CDC42BPA: variants seen among roughly 807,000 people sequenced by gnomAD.
CDC42BPA encodes CDC42 binding protein kinase alpha, also known as serine/threonine-protein kinase MRCK alpha.
Under a neutral mutation model 223.5 loss-of-function variants are expected in CDC42BPA, and 80 were observed. The ratio of observed to expected loss-of-function variants is 0.36; its 90% confidence interval spans 0.30 to 0.43. The LOEUF (loss-of-function observed/expected upper bound fraction) is 0.43. Among genes scored for constraint, CDC42BPA ranks in the 20% least tolerant of loss-of-function variants. The pLI is 1.00. For missense variants in CDC42BPA, 1,743 were observed against 2,099.9 expected, an observed-to-expected ratio of 0.83 and a Z score of 3.32; for synonymous variants, 694 against 718.6, an observed-to-expected ratio of 0.97 and a Z score of 0.55.
At chr1:227,123,676 G>A (rs561041095) in intron 11 of CDC42BPA, among the ~76,000 whole-genome samples, 32 of 152,330 alleles carry the variant, frequency 2.1e-4, no homozygotes, top group African/African-American at 7.7e-4. Context: ...GACCCAGTGG[G>A]AGGTTGGCAG....
In CDC42BPA at chr1:227,196,618, C is replaced by T. The variant is rs143633151; in HGVS notation, c.451-2684G>A. On this transcript the variant is annotated intron_variant, in intron 4 of 36. Transcript: ENST00000366766. ...CCTCCCAAAGTGCTGGGATTACAGG[C>T]ATGAGCCACCGTGCCCGGCCCTAAA... Among the ~76,000 whole-genome samples the T allele has an allele frequency of 5.2e-3, 785 of 152,182 alleles. 5 individuals are homozygous for T. The highest frequency in any genetic ancestry group is 0.018 in the African/African-American group (742 of 41,532).
intron 30 of CDC42BPA, among the ~76,000 whole-genome samples, chr1:227,028,316 G>A (rs1349854814): frequency 2.0e-5 from 3 of 152,102 alleles, no homozygotes. Context: ...AATAAGTTCT[G>A]TGAAACACTG....
At chr1:227,200,445 C>CAACAAA (rs113447855) in intron 3 of CDC42BPA, among the ~76,000 whole-genome samples, 2 of 109,148 alleles carry the variant, frequency 1.8e-5, no homozygotes, top group Non-Finnish European at 1.9e-5. Flanking sequence ...AACAAACAAA[C>CAACAAA]AAAAAAAAAA....
intron 14 of CDC42BPA, 63 bp from the exon 15 acceptor site, chr1:227,101,302 C>T (rs1040273390): frequency 2.9e-6 from 3 of 1,025,502 alleles, no homozygotes; most frequent in Non-Finnish European, 4.1e-6. Flanking sequence ...TAAATAACTT[C>T]TTTCTGTAAT....
Position 227,111,589 on chromosome 1 carries a change from A to G in CDC42BPA, c.2001+723T>C, listed in dbSNP as rs1686933740. Among the ~76,000 whole-genome samples, 3 of 152,090 alleles carry G rather than the reference A, an allele frequency of 2.0e-5. No homozygotes were observed. In the South Asian group the frequency reaches 6.2e-4, roughly 32 times the overall value. ...AACCTCCACCTCCCGGGTTCAAGCA[A>G]TTCTCCTGCCTCAGCCTCCTCAGTA... is the stretch of plus-strand genomic sequence containing the variant. On this transcript the variant is annotated intron_variant, in intron 14 of 36. Transcript: ENST00000366766.
chr1:227,257,478 G>T (rs1014566793), intron 1 of CDC42BPA, among the ~76,000 whole-genome samples: 1 of 88,888 alleles, frequency 1.1e-5, no homozygotes, highest in African/African-American at 4.0e-5. Flanking sequence ...GGAAGATGCT[G>T]GGCACAGTGG....
intron 16 of CDC42BPA, among the ~76,000 whole-genome samples, chr1:227,090,331 T>C (rs962939812): frequency 6.6e-6 from 1 of 152,174 alleles, no homozygotes; most frequent in East Asian, 1.9e-4. Context: ...TACAGAGCTA[T>C]ACAGAAAACA....
intron 14 of CDC42BPA, among the ~76,000 whole-genome samples, chr1:227,103,689 A>T (rs536631912): frequency 6.6e-6 from 1 of 152,134 alleles, no homozygotes; most frequent in Non-Finnish European, 1.5e-5. Flanking sequence ...ATTTAATTCA[A>T]TATATGAGAC....
chr1:227,035,502 CCTTT>C lies in CDC42BPA; in HGVS notation c.3301_3304del (p.Lys1101GlufsTer2). 2 of 1,610,990 alleles carry C rather than the reference CCTTT, an allele frequency of 1.2e-6. No individual in the cohort carries two copies. The highest frequency in any genetic ancestry group is 8.5e-7 in the Non-Finnish European group (1 of 1,179,076). ...ATGACCTTCATATGCTGTTCCTATT[CCTTT>C]CTGAGGATCTATACCCAGGGGACCT... On this transcript the variant is annotated frameshift_variant, in exon 25 of 37. Coordinates refer to ENST00000366766, the MANE Select transcript of CDC42BPA (RefSeq NM_001394014.1). LOFTEE classifies it high-confidence loss of function.
intron 34 of CDC42BPA, among the ~76,000 whole-genome samples, chr1:227,014,992 T>G (rs1427702244): frequency 6.6e-6 from 1 of 152,076 alleles, no homozygotes; most frequent in Non-Finnish European, 1.5e-5. Context: ...TGAGATAGGG[T>G]CTTGCTCAGT....
chr1:227,316,914 A>G, intron 1 of CDC42BPA, 91 bp downstream of exon 1: 1 of 910,894 alleles, frequency 1.1e-6, no homozygotes, highest in South Asian at 1.6e-5. Context: ...TTTTCTTTGA[A>G]CGGAGTAGAG....
chr1:227,022,483 G>A (rs1017887339), intron 32 of CDC42BPA, among the ~76,000 whole-genome samples: 2 of 151,962 alleles, frequency 1.3e-5, no homozygotes, highest in African/African-American at 4.8e-5. Flanking sequence ...ATACATCCTC[G>A]CTAACAGACT....
rs142802436 is a variant in CDC42BPA, at chr1:227,130,713, C to T, written c.1391-1482G>A. ...CTACTAAAAATACAAAAATTAGCCA[C>T]GCATGGTGGTGCATGCCTGTAATAC... On this transcript the variant is annotated intron_variant, in intron 10 of 36. Transcript: ENST00000366766. 4.8e-3 allele frequency among the ~76,000 whole-genome samples: 729 copies of T among 152,038 alleles called. 3 individuals are homozygous for T. Among genetic ancestry groups the T allele is most frequent in the African/African-American group, 0.016 (653 of 41,480 alleles).
At chr1:227,050,277 T>G (rs1673283905) in intron 22 of CDC42BPA, among the ~76,000 whole-genome samples, 2 of 152,212 alleles carry the variant, frequency 1.3e-5, no homozygotes, top group African/African-American at 4.8e-5. Context: ...AAAATGACAC[T>G]TAATACCCAT....
chr1:227,088,167 A>C (rs554269782), intron 16 of CDC42BPA, among the ~76,000 whole-genome samples: 7 of 152,320 alleles, frequency 4.6e-5, no homozygotes, highest in African/African-American at 1.7e-4. Context: ...GTGATTGGGA[A>C]AGTAGTTTAA....
At chr1:227,281,655 T>A (rs1489014658) in intron 1 of CDC42BPA, among the ~76,000 whole-genome samples, 4 of 152,088 alleles carry the variant, frequency 2.6e-5, no homozygotes, top group South Asian at 2.1e-4. Flanking sequence ...AGCAATTAAG[T>A]CTCTGAGAAC....
chr1:227,169,081 AT>A (rs1323845915), intron 5 of CDC42BPA, among the ~76,000 whole-genome samples: 1 of 143,710 alleles, frequency 7.0e-6, no homozygotes, highest in Non-Finnish European at 1.5e-5. Flanking sequence ...GAAAATTTTC[AT>A]TTCAGATTTT....
intron 10 of CDC42BPA, among the ~76,000 whole-genome samples, chr1:227,132,951 G>T (rs1657545836): frequency 6.6e-6 from 1 of 151,560 alleles, no homozygotes; most frequent in Admixed American, 6.6e-5. Context: ...CCCTGTCTGA[G>T]AAGTGAGGAG....
chr1:227,300,683 G>A (rs1172414743), intron 1 of CDC42BPA, among the ~76,000 whole-genome samples: 4 of 152,122 alleles, frequency 2.6e-5, no homozygotes, highest in African/African-American at 7.2e-5. Context: ...GGAGAAGGAA[G>A]AAAGGGGGTA....
Sources: allele counts gnomAD v4.1 joint callset (sites outside exome capture counted in the v4.1 genomes callset), GRCh38; gene constraint gnomAD v4.1.1; transcripts MANE v1.5; gene names NCBI Gene and HGNC (gene_info 2026-07-23, HGNC 2026-07-21).